The following DENND1B variants were observed in gnomAD, a reference collection of about 807,000 sequenced individuals.
DENND1B encodes the protein DENN domain-containing protein 1B.
A neutral mutation model predicts 90.1 loss-of-function variants in DENND1B; 59 were observed. That is an observed-to-expected ratio of 0.65 (90% CI 0.53 to 0.81). The LOEUF (loss-of-function observed/expected upper bound fraction) is 0.81, where lower values mean the gene tolerates loss of function less well. DENND1B is among the 40% of genes least tolerant of loss of function. The pLI, the probability that DENND1B is intolerant of heterozygous loss-of-function variation, is 0.00. For missense variants in DENND1B, 862 were observed against 912.6 expected (o/e 0.94, Z 0.71); for synonymous variants, 337 against 324.6 (o/e 1.04, Z -0.41).
chr1:197,576,599 T>A (rs371516250), intron 15 of DENND1B, among the ~76,000 whole-genome samples: 39 of 152,352 alleles, frequency 2.6e-4, no homozygotes, highest in African/African-American at 8.9e-4. Flanking sequence ...TGTTGTGATA[T>A]AGAATGTACA....
intron 13 of DENND1B, among the ~76,000 whole-genome samples, chr1:197,603,491 T>C (rs1047920868): frequency 1.7e-4 from 26 of 151,166 alleles, no homozygotes; most frequent in Non-Finnish European, 3.0e-4. Context: ...ATTCTTACAA[T>C]CTAATAAGTT....
chr1:197,551,009 A>G (rs1671191270), intron 16 of DENND1B, among the ~76,000 whole-genome samples: 1 of 151,804 alleles, frequency 6.6e-6, no homozygotes, highest in Admixed American at 6.6e-5. Flanking sequence ...ACATCGATAT[A>G]TTCTTCTTTC....
At chr1:197,615,469 A>G (rs1677563068) in intron 11 of DENND1B, among the ~76,000 whole-genome samples, 1 of 151,114 alleles carries the variant, frequency 6.6e-6, no homozygotes, top group African/African-American at 2.4e-5. Context: ...CAATCGTGCC[A>G]AAGAGTTAGC....
Position 197,592,108 on chromosome 1 carries a change from CAA to C in DENND1B, c.1047+3098_1047+3099del, listed in dbSNP as rs71286564. Among the ~76,000 whole-genome samples the C allele has an allele frequency of 7.5e-3, 419 of 55,774 alleles. 5 individuals carry two copies. Among genetic ancestry groups the C allele is most frequent in the African/African-American group, 0.033 (400 of 11,994 alleles). The allele number at this position is 55,774 out of a possible 152,430, so 36.6% of individuals were successfully genotyped here. ...TGGGAGACAGAGTGAGATTCCATCT[CAA>C]AAAAAAAAAAAAAAAAAAGCATCAT... is the stretch of plus-strand genomic sequence containing the variant. On this transcript the variant is annotated intron_variant, in intron 14 of 22. Coordinates refer to ENST00000620048, the MANE Select transcript of DENND1B (RefSeq NM_001195215.2).
intron 2 of DENND1B, among the ~76,000 whole-genome samples, chr1:197,726,651 G>T (rs1661663190): frequency 6.6e-6 from 1 of 152,170 alleles, no homozygotes; most frequent in African/African-American, 2.4e-5. Context: ...AGTTGAGGTA[G>T]ACAAGCAATT....
chr1:197,645,888 C>T (rs1426421232), intron 8 of DENND1B, 145 bp from the exon 9 acceptor site: 18 of 491,816 alleles, frequency 3.7e-5, no homozygotes, highest in Middle Eastern at 5.7e-4. Flanking sequence ...TTGAGAGATT[C>T]TTAAATGAGT....
At position 197,509,868 on chromosome 1, in the gene DENND1B, T is replaced by C. The variant is rs1352048851; in HGVS notation, c.*592A>G. 6.6e-6 allele frequency: 1 copy of C among 152,164 alleles called. No individual in the cohort carries two copies. The highest frequency in any genetic ancestry group is 2.4e-5 in the African/African-American group (1 of 41,414). The allele number at this position is 152,164 out of a possible 1,614,324, so 9.4% of individuals were successfully genotyped here. A position where few individuals can be genotyped will look rare whatever the true frequency, so the allele number is the denominator to read the frequency against. On this transcript the variant is annotated 3_prime_UTR_variant, in exon 23 of 23. Transcript: ENST00000620048. ...TAGTGCTTTATATAAGCAAATTAAA[T>C]ATTTCCATTAAGAGAGCTTTTTAAT...
intron 2 of DENND1B, among the ~76,000 whole-genome samples, chr1:197,770,173 C>G (rs568633415): frequency 4.1e-4 from 62 of 152,104 alleles, no homozygotes; most frequent in Non-Finnish European, 6.3e-4. Flanking sequence ...TTAGAATTTT[C>G]TGCCATTTAG....
intron 6 of DENND1B, among the ~76,000 whole-genome samples, chr1:197,657,669 T>C (rs1016179307): frequency 1.3e-5 from 2 of 148,996 alleles, no homozygotes; most frequent in South Asian, 2.1e-4. Context: ...GTGGAAAATG[T>C]GGACACTGTG....
intron 5 of DENND1B, among the ~76,000 whole-genome samples, chr1:197,659,039 AT>A (rs1349601139): frequency 3.3e-5 from 5 of 151,082 alleles, no homozygotes; most frequent in African/African-American, 2.4e-5. Context: ...AAAATAGTAT[AT>A]TTTTTAATGT....
At position 197,716,082 on chromosome 1, in the gene DENND1B, A is replaced by G. The variant is rs143409447; in HGVS notation, c.83-1008T>C. 5.9e-5 allele frequency among the ~76,000 whole-genome samples: 9 copies of G among 152,044 alleles called. No homozygotes were observed. In the East Asian group the frequency reaches 1.7e-3, roughly 29 times the overall value. ...TTCATGTACCAATCAGTGAAAACTT[A>G]CAGCTTGATTCCATTATTTCCAATA... is the stretch of plus-strand genomic sequence containing the variant. On this transcript the variant is annotated intron_variant, in intron 2 of 22. Coordinates refer to ENST00000620048, the MANE Select transcript of DENND1B (RefSeq NM_001195215.2).
intron 2 of DENND1B, among the ~76,000 whole-genome samples, chr1:197,725,754 G>A (rs75963595): frequency 0.033 from 5,052 of 151,924 alleles, 293 homozygotes; most frequent in African/African-American, 0.11. Flanking sequence ...AAAGGGCCTT[G>A]AGAGTGATAA....
intron 15 of DENND1B, among the ~76,000 whole-genome samples, chr1:197,555,832 G>A (rs939254003): frequency 7.2e-5 from 11 of 152,054 alleles, no homozygotes; most frequent in Admixed American, 2.6e-4. Context: ...ATTACCATTC[G>A]ATCCAGCAAT....
chr1:197,743,104 G>A (rs1257310802), intron 2 of DENND1B, among the ~76,000 whole-genome samples: 1 of 152,260 alleles, frequency 6.6e-6, no homozygotes, highest in East Asian at 1.9e-4. Flanking sequence ...GACAAGGGAA[G>A]TAATCATTAA....
chr1:197,597,038 C>A (rs1675764101), intron 13 of DENND1B, among the ~76,000 whole-genome samples: 1 of 151,322 alleles, frequency 6.6e-6, no homozygotes, highest in African/African-American at 2.4e-5. Context: ...TAGCTGTGAT[C>A]TTTTCAATTT....
chr1:197,638,717 G>A (rs1035546551), intron 10 of DENND1B, among the ~76,000 whole-genome samples: 4 of 152,150 alleles, frequency 2.6e-5, no homozygotes, highest in African/African-American at 9.7e-5. Flanking sequence ...CTAATATGAT[G>A]TTCTGCTAGT....
At chr1:197,544,229 A>G (rs977841437) in intron 18 of DENND1B, among the ~76,000 whole-genome samples, 1 of 152,112 alleles carries the variant, frequency 6.6e-6, no homozygotes, top group Non-Finnish European at 1.5e-5. Flanking sequence ...GTTCAGAAAA[A>G]TTTTTTCAGG....
At chr1:197,579,061 A>G (rs914696714) in intron 15 of DENND1B, among the ~76,000 whole-genome samples, 4 of 152,226 alleles carry the variant, frequency 2.6e-5, no homozygotes, top group Non-Finnish European at 5.9e-5. Flanking sequence ...CAAGTGATTC[A>G]GATAGGTCCA....
chr1:197,695,787 T>A (rs1361403174), intron 3 of DENND1B, among the ~76,000 whole-genome samples: 3 of 151,262 alleles, frequency 2.0e-5, no homozygotes, highest in Non-Finnish European at 4.5e-5. Context: ...ATCATTTAAA[T>A]ATTTATTTTC....
Sources: allele counts gnomAD v4.1 joint callset (sites outside exome capture counted in the v4.1 genomes callset), GRCh38; gene constraint gnomAD v4.1.1; transcripts MANE v1.5; gene names NCBI Gene and HGNC (gene_info 2026-07-23, HGNC 2026-07-21).